HDAC4: variants seen among roughly 807,000 people sequenced by gnomAD.
HDAC4 encodes the protein histone deacetylase A.
HDAC4 carries 16 observed loss-of-function variants against 135.1 expected under a neutral mutation model. That is an observed-to-expected ratio of 0.12 (90% CI 0.08 to 0.18). The LOEUF (loss-of-function observed/expected upper bound fraction) is 0.18, where lower values mean the gene tolerates loss of function less well. Among genes scored for constraint, HDAC4 ranks in the 10% least tolerant of loss-of-function variants. The pLI, the probability that HDAC4 is intolerant of heterozygous loss-of-function variation, is 1.00. For missense variants in HDAC4, 1,143 were observed against 1,511.8 expected (o/e 0.76, Z 4.05); for synonymous variants, 685 against 653.4 (o/e 1.05, Z -0.74).
chr2:239,256,906 A>G (rs74000558), intron 2 of HDAC4, among the ~76,000 whole-genome samples: 4,226 of 152,308 alleles, frequency 0.028, 158 homozygotes, highest in East Asian at 0.086. Flanking sequence ...GTATACTGCT[A>G]ATCGGATCCA....
chr2:239,235,202 C>G (rs1020209767), intron 3 of HDAC4, among the ~76,000 whole-genome samples: 2 of 152,136 alleles, frequency 1.3e-5, no homozygotes, highest in Non-Finnish European at 2.9e-5. Context: ...CGAACACCCC[C>G]CAAGAGGCCA....
chr2:239,120,973 TTTC>T (rs996801155), intron 12 of HDAC4, among the ~76,000 whole-genome samples: 1 of 151,240 alleles, frequency 6.6e-6, no homozygotes, highest in African/African-American at 2.4e-5. Context: ...CTCCAAGACT[TTTC>T]TTCTGATGCT....
chr2:239,082,257 C>A, intron 20 of HDAC4, 36 bp from the exon 21 acceptor site: 1 of 1,614,104 alleles, frequency 6.2e-7, no homozygotes, highest in South Asian at 1.1e-5. Context: ...AGGGCTGAGG[C>A]AGGTATTGGA....
At chr2:239,326,821 G>A (rs1451490652) in intron 2 of HDAC4, among the ~76,000 whole-genome samples, 5 of 152,190 alleles carry the variant, frequency 3.3e-5, no homozygotes, top group Non-Finnish European at 5.9e-5. Flanking sequence ...TCTCTGGTCC[G>A]AGACCCCCAC....
intron 18 of HDAC4, among the ~76,000 whole-genome samples, chr2:239,089,230 A>C (rs1455040750): frequency 6.6e-6 from 1 of 152,220 alleles, no homozygotes; most frequent in Non-Finnish European, 1.5e-5. Flanking sequence ...TCCTTCATGT[A>C]CTTCAACATG....
chr2:239,356,290 G>A (rs1693484912), intron 1 of HDAC4, among the ~76,000 whole-genome samples: 2 of 152,270 alleles, frequency 1.3e-5, no homozygotes, highest in South Asian at 2.1e-4. Flanking sequence ...CAGAACTGGA[G>A]ACAGCCAAGC....
chr2:239,265,473 C>T (rs893363203), intron 2 of HDAC4, among the ~76,000 whole-genome samples: 1 of 152,254 alleles, frequency 6.6e-6, no homozygotes, highest in African/African-American at 2.4e-5. Context: ...TAGTGGCCTC[C>T]CAGCACCACC....
At position 239,299,788 on chromosome 2, in the gene HDAC4, G is replaced by A. The variant is rs889266571; in HGVS notation, c.22+52890C>T. On this transcript the variant is annotated intron_variant, in intron 2 of 26. Coordinates refer to ENST00000543185, the MANE Select transcript of HDAC4 (RefSeq NM_001378414.1). This position sits in a 1 kb window ranked among gnomAD's most constrained non-coding sequence, Gnocchi z 4.0. ...GCCCAGGGACTGGCACAGCTGTTCC[G>A]CTCTGCTCCCGGCATGTCACAGGGG... 1.3e-5 allele frequency among the ~76,000 whole-genome samples: 2 copies of A among 152,178 alleles called. No homozygotes were observed. Among genetic ancestry groups the A allele is most frequent in the Non-Finnish European group, 2.9e-5 (2 of 68,042 alleles).
At chr2:239,392,460 T>C (rs540674690) in intron 1 of HDAC4, among the ~76,000 whole-genome samples, 1 of 152,304 alleles carries the variant, frequency 6.6e-6, no homozygotes, top group East Asian at 1.9e-4. Context: ...GGGGTTTTAA[T>C]ATGCCAGAAC....
chr2:239,122,093 T>C (rs1290526634), intron 12 of HDAC4, among the ~76,000 whole-genome samples: 1 of 152,220 alleles, frequency 6.6e-6, no homozygotes, highest in Non-Finnish European at 1.5e-5. Context: ...AAAACCGAAC[T>C]GGTAAACTGC....
chr2:239,049,755 G>A lies in HDAC4; in HGVS notation c.*3342C>T, dbSNP rs2030539344. On this transcript the variant is annotated 3_prime_UTR_variant, in exon 27 of 27. Coordinates refer to ENST00000543185, the MANE Select transcript of HDAC4 (RefSeq NM_001378414.1). ...TGGCCCTCCAGAACCAGAGCCCTGG[G>A]ACGCTGGGGAGGGGCGGCCAGTCCC... 1 of 152,278 alleles carries A rather than the reference G, an allele frequency of 6.6e-6. No individual in the cohort carries two copies. The highest frequency in any genetic ancestry group is 2.1e-4 in the South Asian group (1 of 4,834). 9.4% of individuals were successfully genotyped at this position (152,278 alleles called of 1,614,324 possible).
intron 3 of HDAC4, among the ~76,000 whole-genome samples, chr2:239,210,628 C>T (rs2046313804): frequency 6.6e-6 from 1 of 152,154 alleles, no homozygotes; most frequent in African/African-American, 2.4e-5. Context: ...TCTTGCCCCA[C>T]TTCCACCAAA....
chr2:239,236,654 A>G lies in HDAC4; in HGVS notation c.33T>C (p.Ser11=), dbSNP rs139297750. 84 of 1,551,594 alleles carry G rather than the reference A, an allele frequency of 5.4e-5. No individual in the cohort carries two copies. Among genetic ancestry groups the G allele is most frequent in the Non-Finnish European group, 7.1e-5 (81 of 1,146,958 alleles). Reference sequence around the variant, plus strand: ...GCAGCTCCACTGGCTGGTCTCGGCCAGAAAGTCCATCTGGAGAACAGAGAA... The same window carrying G: ...GCAGCTCCACTGGCTGGTCTCGGCCGGAAAGTCCATCTGGAGAACAGAGAA... MSSQSHPDGL[S]GRDQPVELLN... is the part of the protein sequence containing the mutation. Residue 11 remains serine, a synonymous_variant, in exon 3 of 27, where the codon TCT becomes TCC. Transcript: ENST00000543185.
At chr2:239,324,403 T>C (rs768508065) in intron 2 of HDAC4, among the ~76,000 whole-genome samples, 11 of 152,138 alleles carry the variant, frequency 7.2e-5, no homozygotes, top group Non-Finnish European at 1.3e-4. Flanking sequence ...AAGAGAACAA[T>C]AGCAATTTTT....
rs778791525 is a variant in HDAC4, at chr2:239,068,630, T to C, written c.2751-23A>G. The C allele has an allele frequency of 5.0e-6, 8 of 1,589,886 alleles. No individual in the cohort carries two copies. In the Admixed American group the frequency reaches 1.3e-4, roughly 26 times the overall value. On this transcript the variant is annotated intron_variant, in intron 22 of 26. Transcript: ENST00000543185. This position sits in a 1 kb window ranked among gnomAD's most constrained non-coding sequence, Gnocchi z 4.4. The stretch of plus-strand genomic sequence containing the variant: ...GTTCTGCAAAGGACAGGAGAAGGCG[T>C]TACTGGGTCAGCTGAAAGAGGGACG...
At chr2:239,250,482 C>T (rs908992318) in intron 2 of HDAC4, among the ~76,000 whole-genome samples, 3 of 140,630 alleles carry the variant, frequency 2.1e-5, no homozygotes, top group Non-Finnish European at 3.2e-5. Flanking sequence ...GCTCCACGTG[C>T]CTTCCTGCCA....
intron 2 of HDAC4, among the ~76,000 whole-genome samples, chr2:239,321,476 AAAAAAAAAAAAAAAAG>A (rs2053310996): frequency 7.1e-6 from 1 of 141,408 alleles, no homozygotes; most frequent in African/African-American, 3.2e-5. Context: ...AAAAAAAAAA[AAAAAAAAAAAAAAAAG>A]GTTAGCTTAC....
intron 3 of HDAC4, among the ~76,000 whole-genome samples, chr2:239,236,165 T>C (rs2047875143): frequency 6.6e-6 from 1 of 152,206 alleles, no homozygotes; most frequent in South Asian, 2.1e-4. Flanking sequence ...CACTGACTCA[T>C]TTAACCAACA....
chr2:239,177,731 T>C (rs1159689027), intron 4 of HDAC4, among the ~76,000 whole-genome samples: 1 of 152,208 alleles, frequency 6.6e-6, no homozygotes, highest in Non-Finnish European at 1.5e-5. Context: ...ATATAAATGG[T>C]TGTTATCCAT....
Sources: allele counts gnomAD v4.1 joint callset (sites outside exome capture counted in the v4.1 genomes callset), GRCh38; gene constraint gnomAD v4.1.1; non-coding constraint Gnocchi (gnomAD v3.1); transcripts MANE v1.5; gene names NCBI Gene and HGNC (gene_info 2026-07-23, HGNC 2026-07-21).